Variants in SUCLG2 observed in about 807,000 individuals in gnomAD.
SUCLG2 encodes succinate--CoA ligase [GDP-forming] subunit beta, mitochondrial.
SUCLG2 carries 42 observed loss-of-function variants against 47.9 expected under a neutral mutation model. The ratio of observed to expected loss-of-function variants is 0.88; its 90% CI spans 0.69 to 1.14. The LOEUF is 1.14. Among genes scored for constraint, SUCLG2 ranks in the 50% most tolerant of loss-of-function variants. The pLI is 0.00. For synonymous variants in SUCLG2, 195 were observed against 197.3 expected, an observed-to-expected ratio of 0.99 and a Z score of 0.10; for missense variants, 571 against 525.9, an observed-to-expected ratio of 1.09 and a Z score of -0.84.
At chr3:67,454,606 T>C (rs1453509141) in intron 9 of SUCLG2, among the ~76,000 whole-genome samples, 3 of 152,152 alleles carry the variant, frequency 2.0e-5, no homozygotes, top group Non-Finnish European at 2.9e-5. Context: ...GCCTACATCA[T>C]GACACTTCAC....
Position 67,508,795 on chromosome 3 carries a change from T to C in SUCLG2, c.757+12A>G. ...ACATTCATTTGTTTTCTCAATTCTT[T>C]TTTTTTTTTACCTTGTCCTTCTGGA... On this transcript the variant is annotated intron_variant, in intron 7 of 10. Coordinates refer to ENST00000307227, the MANE Select transcript of SUCLG2 (RefSeq NM_003848.4). 1 of 1,558,184 alleles carries C rather than the reference T, an allele frequency of 6.4e-7. No homozygotes were observed. The highest frequency in any genetic ancestry group is 1.2e-5 in the South Asian group (1 of 84,012).
chr3:67,498,296 CTAAA>C lies in SUCLG2; in HGVS notation c.758-5_758-2del. The C allele has an allele frequency of 6.2e-7, 1 of 1,609,292 alleles. No homozygotes were observed. Among genetic ancestry groups the C allele is most frequent in the Non-Finnish European group, 8.5e-7 (1 of 1,179,280 alleles). On this transcript the variant is annotated splice_acceptor_variant and splice_polypyrimidine_tract_variant and intron_variant, in intron 7 of 10. Transcript: ENST00000307227. LOFTEE classifies it high-confidence loss of function. The stretch of plus-strand genomic sequence containing the variant: ...TTTATCTTGGCATCAAAACAGACAA[CTAAA>C]TAAAGAAGAAAACAATCATACTTGA...
At chr3:67,620,869 T>C (rs1700725062) in intron 1 of SUCLG2, among the ~76,000 whole-genome samples, 2 of 152,100 alleles carry the variant, frequency 1.3e-5, no homozygotes, top group South Asian at 2.1e-4. Flanking sequence ...GACCAGATAA[T>C]GCAGGTGCTG....
chr3:67,430,794 A>C (rs13082800), intron 9 of SUCLG2, among the ~76,000 whole-genome samples: 5,241 of 152,182 alleles, frequency 0.034, 121 homozygotes, highest in African/African-American at 0.058. Context: ...CACAGAAATA[A>C]AAACTACCAT....
chr3:67,540,968 C>CT (rs2107174147), intron 2 of SUCLG2, among the ~76,000 whole-genome samples: 1 of 152,286 alleles, frequency 6.6e-6, no homozygotes, highest in South Asian at 2.1e-4. Context: ...AGGGGACTGA[C>CT]TGTTAGAAGA....
At chr3:67,436,486 T>C (rs1703626146) in intron 9 of SUCLG2, among the ~76,000 whole-genome samples, 1 of 152,138 alleles carries the variant, frequency 6.6e-6, no homozygotes, top group Non-Finnish European at 1.5e-5. Flanking sequence ...TTTATAAAAA[T>C]CCTGTAGCCA....
intron 9 of SUCLG2, among the ~76,000 whole-genome samples, chr3:67,419,904 C>G (rs1374306096): frequency 2.6e-5 from 4 of 152,110 alleles, no homozygotes; most frequent in Non-Finnish European, 5.9e-5. Flanking sequence ...TTCACAGAGG[C>G]ATGTTTCTCT....
At chr3:67,653,683 C>T (rs966738020) in intron 1 of SUCLG2, among the ~76,000 whole-genome samples, 6 of 152,172 alleles carry the variant, frequency 3.9e-5, no homozygotes, top group South Asian at 2.1e-4. Flanking sequence ...AGATAGTCTA[C>T]GGAGACTAAC....
intron 2 of SUCLG2, among the ~76,000 whole-genome samples, chr3:67,556,978 G>A (rs989959395): frequency 4.6e-5 from 7 of 152,198 alleles, no homozygotes; most frequent in Non-Finnish European, 1.0e-4. Context: ...AAACAGAAAT[G>A]AGAGCAGGTT....
chr3:67,514,867 G>A (rs1281380811), intron 6 of SUCLG2, among the ~76,000 whole-genome samples: 2 of 152,170 alleles, frequency 1.3e-5, no homozygotes, highest in African/African-American at 4.8e-5. Context: ...TCTTCTAAAA[G>A]GTTGTGGTGA....
At chr3:67,531,164 T>C (rs1669371609) in intron 2 of SUCLG2, among the ~76,000 whole-genome samples, 1 of 152,206 alleles carries the variant, frequency 6.6e-6, no homozygotes, top group South Asian at 2.1e-4. Flanking sequence ...GCTATCAACA[T>C]TATAATAATT....
intron 4 of SUCLG2, among the ~76,000 whole-genome samples, chr3:67,525,815 G>A (rs1007190613): frequency 3.3e-5 from 5 of 152,136 alleles, no homozygotes; most frequent in African/African-American, 7.2e-5. Context: ...CTTTTGCCCT[G>A]CAAATGACCC....
At chr3:67,417,075 ATGAGT>A (rs892288958) in intron 9 of SUCLG2, among the ~76,000 whole-genome samples, 188 of 152,308 alleles carry the variant, frequency 1.2e-3, no homozygotes, top group African/African-American at 4.1e-3. Flanking sequence ...GATAAGAAAG[ATGAGT>A]TAAGGAAGGA....
chr3:67,513,997 C>T, intron 6 of SUCLG2: 1 of 295,344 alleles, frequency 3.4e-6, no homozygotes, highest in Non-Finnish European at 6.7e-6. Flanking sequence ...GACCCTCTAC[C>T]CAGCGGAATA....
chr3:67,538,384 T>G (rs1706604822), intron 2 of SUCLG2, among the ~76,000 whole-genome samples: 1 of 152,156 alleles, frequency 6.6e-6, no homozygotes, highest in South Asian at 2.1e-4. Context: ...GTTGTAGATG[T>G]GTGGTGTTAT....
intron 1 of SUCLG2, among the ~76,000 whole-genome samples, chr3:67,631,449 G>A (rs1700924268): frequency 6.6e-6 from 1 of 151,998 alleles, no homozygotes; most frequent in Non-Finnish European, 1.5e-5. Flanking sequence ...CCAACATGGT[G>A]AAACCCCGTC....
intron 5 of SUCLG2, among the ~76,000 whole-genome samples, chr3:67,519,405 G>A (rs531442751): frequency 1.3e-5 from 2 of 152,298 alleles, no homozygotes; most frequent in South Asian, 2.1e-4. Flanking sequence ...TTATTTTAAT[G>A]TGTAACATTA....
chr3:67,647,907 C>T (rs1295307063), intron 1 of SUCLG2, among the ~76,000 whole-genome samples: 1 of 152,148 alleles, frequency 6.6e-6, no homozygotes, highest in African/African-American at 2.4e-5. Flanking sequence ...TATGGAAGCA[C>T]CAAGCCAGTG....
intron 9 of SUCLG2, among the ~76,000 whole-genome samples, chr3:67,467,101 CT>C (rs1426004551): frequency 1.3e-5 from 2 of 152,164 alleles, no homozygotes; most frequent in Non-Finnish European, 2.9e-5. Flanking sequence ...CAAGACCTTC[CT>C]TACTAATTAA....
Sources: allele counts gnomAD v4.1 joint callset (sites outside exome capture counted in the v4.1 genomes callset), GRCh38; gene constraint gnomAD v4.1.1; transcripts MANE v1.5; gene names NCBI Gene and HGNC (gene_info 2026-07-23, HGNC 2026-07-21).